SLC22A31: variants seen among roughly 807,000 people sequenced by gnomAD.
SLC22A31 encodes putative solute carrier family 22 member 31.
SLC22A31 carries 42 observed loss-of-function variants against 27.4 expected under a neutral mutation model. The observed-to-expected ratio is 1.53, with a 90% confidence interval of 1.20 to 1.98. The LOEUF is 1.98. Ranked by LOEUF, SLC22A31 falls within the 30% of genes most tolerant of loss-of-function variation. The probability of loss-of-function intolerance (pLI) is 0.00; values close to 1 mark genes in which losing one functional copy is unlikely to be tolerated. For missense variants in SLC22A31, 593 were observed against 479.9 expected, an observed-to-expected ratio of 1.24 and a Z score of -2.20; for synonymous variants, 290 against 230.8, an observed-to-expected ratio of 1.26 and a Z score of -2.33.
In SLC22A31 at chr16:89,195,964, G is replaced by T. The variant is rs1308217832; in HGVS notation, c.*35C>A. 2.1e-6 allele frequency: 3 copies of T among 1,459,344 alleles called. No homozygotes were observed. The highest frequency in any genetic ancestry group is 9.0e-7 in the Non-Finnish European group (1 of 1,109,392). The allele number at this position is 1,459,344 out of a possible 1,614,324, so 90.4% of individuals were successfully genotyped here. ...CAGCCATGCCCCAGGCCTTGACTTT[G>T]GTCCCATCCTGGCTCCCAGGGCCAC... On this transcript the variant is annotated 3_prime_UTR_variant, in exon 9 of 9. Transcript: ENST00000682282.
intron 1 of SLC22A31, chr16:89,200,028 C>CG: frequency 2.6e-6 from 1 of 391,598 alleles, no homozygotes. Flanking sequence ...GCACAGGGGT[C>CG]GGGGGGATCT....
chr16:89,198,407 G>C, intron 6 of SLC22A31, 35 bp downstream of exon 6: 1 of 1,527,360 alleles, frequency 6.5e-7, no homozygotes, highest in Non-Finnish European at 8.8e-7. Context: ...CCACCCCGGG[G>C]GATGGTGCAG....
intron 5 of SLC22A31, 26 bp from the exon 6 acceptor site, chr16:89,198,576 G>A: frequency 2.6e-6 from 4 of 1,512,730 alleles, no homozygotes; most frequent in East Asian, 4.9e-5. Context: ...TGTGAGGGGA[G>A]GGGGGTGAGG....
At position 89,197,374 on chromosome 16, in the gene SLC22A31, G is replaced by A. The variant is rs1452955750; in HGVS notation, c.958C>T (p.Leu320=). ...PGWTVLFLSV[L]GLLASRAVSA... Reference sequence around the variant, plus strand: ...ACAGCCCGGGAGGCCAGGAGCCCCAGGACAGAGAGGAACAGCACAGTCCAG... The same window carrying A: ...ACAGCCCGGGAGGCCAGGAGCCCCAAGACAGAGAGGAACAGCACAGTCCAG... The change falls in exon 8 of 9, where the codon CTG becomes TTG. Residue 320 remains leucine (L), a synonymous_variant. Coordinates refer to ENST00000682282, the MANE Select transcript of SLC22A31 (RefSeq NM_001384763.1). The A allele has an allele frequency of 6.5e-7, 1 of 1,535,806 alleles. No individual in the cohort carries two copies. Among genetic ancestry groups the A allele is most frequent in the Non-Finnish European group, 8.7e-7 (1 of 1,146,772 alleles).
Position 89,198,641 on chromosome 16 carries a change from A to G in SLC22A31, c.598+11T>C. The G allele has an allele frequency of 1.3e-6, 2 of 1,533,202 alleles. No individual in the cohort carries two copies. The highest frequency in any genetic ancestry group is 1.2e-5 in the South Asian group (1 of 83,988). The allele number at this position is 1,533,202 out of a possible 1,614,324, so 95.0% of individuals were successfully genotyped here. On this transcript the variant is annotated intron_variant, in intron 5 of 8. Transcript: ENST00000682282. ...TACCTGAATCTCCCTCCTCCCTGGT[A>G]GGCGCCTGACCTGTAGCCAGGGAGT...
chr16:89,197,556 G>A (rs76696221), intron 7 of SLC22A31, 147 bp from the exon 8 acceptor site: 1 of 613,088 alleles, frequency 1.6e-6, no homozygotes, highest in Non-Finnish European at 2.9e-6. Flanking sequence ...ACCTGGAGGG[G>A]GAACCTGTCC....
chr16:89,200,338 G>C (rs1371280569), intron 1 of SLC22A31, 140 bp downstream of exon 1: 1 of 152,720 alleles, frequency 6.5e-6, no homozygotes, highest in African/African-American at 2.4e-5. Flanking sequence ...TGTGCTCAGC[G>C]GCATTTCCCG....
At chr16:89,196,542 C>G (rs772394351) in intron 8 of SLC22A31, among the ~76,000 whole-genome samples, 11 of 152,204 alleles carry the variant, frequency 7.2e-5, no homozygotes, top group Non-Finnish European at 1.5e-4. Flanking sequence ...CCAGAGTGAG[C>G]AGGGGGAAGG....
Position 89,196,081 on chromosome 16 carries a change from C to T in SLC22A31, c.1259G>A (p.Arg420Gln), listed in dbSNP as rs1271087125. Residue 420 changes from arginine to glutamine, a missense_variant, in exon 9 of 9, where the codon CGG becomes CAG. By Grantham distance (43) the Arg-to-Gln change is conservative. Coordinates refer to ENST00000682282, the MANE Select transcript of SLC22A31 (RefSeq NM_001384763.1). ...CAGGTGGTCCTGGCGGGGGCGGCCC[C>T]GCAGGAGTGGGGAGCGGCGCAGGCG... ...ADRLRRSPLL[R>Q]GRPRQDHLPL... is the part of the protein sequence containing the mutation. 6 of 1,532,586 alleles carry T rather than the reference C, an allele frequency of 3.9e-6. 1 individual carries two copies. The highest frequency in any genetic ancestry group is 2.4e-5 in the East Asian group (1 of 40,854). The allele number at this position is 1,532,586 out of a possible 1,614,324, so 94.9% of individuals were successfully genotyped here. A position where few individuals can be genotyped will look rare whatever the true frequency, so the allele number is the denominator to read the frequency against.
intron 3 of SLC22A31, 31 bp from the exon 4 acceptor site, chr16:89,199,222 G>T: frequency 6.7e-7 from 1 of 1,500,646 alleles, no homozygotes; most frequent in South Asian, 1.2e-5. Context: ...TGAAGTGGAG[G>T]CCTCGGGGAG....
upstream of SLC22A31, chr16:89,201,064 CG>C: frequency 2.7e-6 from 1 of 368,700 alleles, no homozygotes; most frequent in Non-Finnish European, 4.8e-6. Context: ...AGCCCCCGCC[CG>C]GCCCCTCTCC....
Position 89,198,668 on chromosome 16 carries a change from C to T in SLC22A31, c.582G>A (p.Glu194=), listed in dbSNP as rs952772434. The T allele has an allele frequency of 5.2e-6, 8 of 1,535,606 alleles. No homozygotes were observed. Among genetic ancestry groups the T allele is most frequent in the Non-Finnish European group, 7.0e-6 (8 of 1,146,660 alleles). Residue 194 remains glutamate, a synonymous_variant, in exon 5 of 9, where the codon GAG becomes GAA. Coordinates refer to ENST00000682282, the MANE Select transcript of SLC22A31 (RefSeq NM_001384763.1). The stretch of plus-strand genomic sequence containing the variant: ...GCGCCTGACCTGTAGCCAGGGAGTT[C>T]TCCTCCAAGGAACTGTCCCCGGGGC... ...GVGPGDSSLE[E]NSLATELTML...
At chr16:89,197,212 G>C in intron 8 of SLC22A31, 86 bp downstream of exon 8, 1 of 1,037,408 alleles carries the variant, frequency 9.6e-7, no homozygotes, top group Non-Finnish European at 1.4e-6. Context: ...GTGGGGTATG[G>C]GGACAGGGCC....
chr16:89,200,341 A>T (rs971118134), intron 1 of SLC22A31, 137 bp downstream of exon 1: 1 of 152,440 alleles, frequency 6.6e-6, no homozygotes, highest in Admixed American at 6.6e-5. Flanking sequence ...GCTCAGCGGC[A>T]TTTCCCGGTG....
At chr16:89,201,224 G>A, upstream of SLC22A31, 1 of 373,862 alleles carries the variant, frequency 2.7e-6, no homozygotes, top group Non-Finnish European at 4.8e-6. Context: ...CGGGCTGGGG[G>A]CGGGGAGGGC....
Position 89,198,465 on chromosome 16 carries a change from G to A in SLC22A31, c.684C>T (p.Asn228=), listed in dbSNP as rs762967920. ...GLLRTRVTWR[N]GLILGFSSLV... ...ACGAGCTGAAGCCCAAGATAAGCCCGTTTCTCCAGGTGACTCGGGTACGCA... is the reference window on the plus strand; with the variant it reads ...ACGAGCTGAAGCCCAAGATAAGCCCATTTCTCCAGGTGACTCGGGTACGCA... The change falls in exon 6 of 9, where the codon AAC becomes AAT. Residue 228 remains asparagine, a synonymous_variant. Coordinates refer to ENST00000682282, the MANE Select transcript of SLC22A31 (RefSeq NM_001384763.1). 63 of 1,520,010 alleles carry A rather than the reference G, an allele frequency of 4.1e-5. No homozygotes were observed. The highest frequency in any genetic ancestry group is 1.7e-4 in the Middle Eastern group (1 of 5,900). 94.2% of individuals were successfully genotyped at this position (1,520,010 alleles called of 1,614,324 possible). A position where few individuals can be genotyped will look rare whatever the true frequency, so the allele number is the denominator to read the frequency against.
At chr16:89,201,080 G>A, upstream of SLC22A31, 1 of 371,714 alleles carries the variant, frequency 2.7e-6, no homozygotes, top group Non-Finnish European at 4.8e-6. Flanking sequence ...CTCTCCGCGG[G>A]TCCGGCCCGT....
chr16:89,201,011 G>A (rs1427777836), upstream of SLC22A31: 7 of 353,098 alleles, frequency 2.0e-5, no homozygotes, highest in African/African-American at 1.1e-4. Flanking sequence ...ATCCTCCAGC[G>A]CCCCAGGCCG....
chr16:89,195,928 T>A lies in SLC22A31; in HGVS notation c.*71A>T. 7.1e-7 allele frequency: 1 copy of A among 1,405,476 alleles called. No homozygotes were observed. Among genetic ancestry groups the A allele is most frequent in the Non-Finnish European group, 9.3e-7 (1 of 1,071,106 alleles). The allele number at this position is 1,405,476 out of a possible 1,614,324, so 87.1% of individuals were successfully genotyped here. On this transcript the variant is annotated 3_prime_UTR_variant, in exon 9 of 9. Coordinates refer to ENST00000682282, the MANE Select transcript of SLC22A31 (RefSeq NM_001384763.1). ...GAATGTGTCTGCCCTGGACCAGACGTCTGGGGTACTCAGCCATGCCCCAGG... is the reference window on the plus strand; with the variant it reads ...GAATGTGTCTGCCCTGGACCAGACGACTGGGGTACTCAGCCATGCCCCAGG...
Sources: gnomAD v4.1 joint callset for allele counts (sites outside exome capture counted in the v4.1 genomes callset) on GRCh38, gnomAD v4.1.1 for gene constraint, MANE v1.5 for transcripts, NCBI Gene and HGNC (gene_info 2026-07-23, HGNC 2026-07-21) for gene names.